The following HMCN1 variants were observed in gnomAD, a reference collection of about 807,000 sequenced individuals.
HMCN1 encodes hemicentin 1, also known as hemicentin-1.
A neutral mutation model predicts 625.9 loss-of-function variants in HMCN1; 321 were observed. That is an observed-to-expected ratio of 0.51 (90% CI 0.47 to 0.56). The LOEUF (loss-of-function observed/expected upper bound fraction) is 0.56, where lower values mean the gene tolerates loss of function less well. Ranked by LOEUF, HMCN1 falls within the 20% of genes least tolerant of loss-of-function variation. The pLI is 0.00. For synonymous variants in HMCN1, 2,425 were observed against 2,417.6 expected (o/e 1.00, Z -0.09); for missense variants, 6,588 against 6,887.3 (o/e 0.96, Z 1.54).
At chr1:186,120,333 ATTGT>A (rs1210041228) in intron 80 of HMCN1, among the ~76,000 whole-genome samples, 188 bp downstream of exon 80, 1 of 152,148 alleles carries the variant, frequency 6.6e-6, no homozygotes, top group East Asian at 1.9e-4. Context: ...TTTGTTGGCC[ATTGT>A]TTGTATAAGA....
chr1:186,119,315 A>G lies in HMCN1; in HGVS notation c.11956+17A>G. On this transcript the variant is annotated intron_variant, in intron 78 of 106. Transcript: ENST00000271588. ...ATGTTCATGGTATGGAAGGCTATTT[A>G]CTCATTCAAAGTTCGCTGGGTTTGG... The G allele has an allele frequency of 6.3e-7, 1 of 1,593,792 alleles. No individual in the cohort carries two copies. The highest frequency in any genetic ancestry group is 8.6e-7 in the Non-Finnish European group (1 of 1,161,554).
intron 100 of HMCN1, among the ~76,000 whole-genome samples, chr1:186,169,884 A>G (rs531329134): frequency 6.6e-6 from 1 of 152,300 alleles, no homozygotes; most frequent in South Asian, 2.1e-4. Flanking sequence ...ATCAGAGTGA[A>G]CAGGCAACCT....
intron 71 of HMCN1, among the ~76,000 whole-genome samples, chr1:186,111,150 T>C (rs1013615549): frequency 6.6e-6 from 1 of 150,522 alleles, no homozygotes; most frequent in African/African-American, 2.5e-5. Flanking sequence ...CCGGCTACTT[T>C]TTTGTATTTT....
chr1:185,995,087 G>A lies in HMCN1; in HGVS notation c.3778G>A (p.Glu1260Lys), dbSNP rs1173660244. Residue 1260 changes from glutamate (E) to lysine (K), a missense_variant and splice_region_variant, in exon 24 of 107, where the codon GAA becomes AAA. Glu to Lys is a moderately conservative substitution (Grantham distance 56). Around this residue, in one of 3 missense-constraint regions of HMCN1, gnomAD observed 4,628 missense variants for 4,853.1 expected, o/e 0.95. Coordinates refer to ENST00000271588, the MANE Select transcript of HMCN1 (RefSeq NM_031935.3). ...DETEITLHVQ[E>K]PPTVEDLEPP... ...AACAGAGATAACGCTACATGTCCAAGGTGATTCTTGACACAGGAAAATATA... is the reference window on the plus strand; with the variant it reads ...AACAGAGATAACGCTACATGTCCAAAGTGATTCTTGACACAGGAAAATATA... 1 of 1,613,290 alleles carries A rather than the reference G, an allele frequency of 6.2e-7. No homozygotes were observed. Among genetic ancestry groups the A allele is most frequent in the African/African-American group, 1.3e-5 (1 of 74,878 alleles).
At chr1:186,029,429 G>A (rs1207099645) in intron 36 of HMCN1, among the ~76,000 whole-genome samples, 1 of 152,080 alleles carries the variant, frequency 6.6e-6, no homozygotes, top group Non-Finnish European at 1.5e-5. Flanking sequence ...CATCCTTTTG[G>A]AGTGTACAAC....
intron 97 of HMCN1, among the ~76,000 whole-genome samples, chr1:186,160,549 T>C (rs1260455566): frequency 1.3e-5 from 2 of 151,954 alleles, no homozygotes; most frequent in Admixed American, 6.6e-5. Context: ...CTTTCTCTTG[T>C]GGGCATTTAG....
At position 185,737,280 on chromosome 1, in the gene HMCN1, G is replaced by A. The variant is rs139324881; in HGVS notation, c.268+2233G>A. On this transcript the variant is annotated intron_variant, in intron 1 of 106. Transcript: ENST00000271588. ...AGCAGTCCTCTCACTTCAGCCTCCCGAGTAGCTGGGACAACAGGCACATGC... is the reference window on the plus strand; with the variant it reads ...AGCAGTCCTCTCACTTCAGCCTCCCAAGTAGCTGGGACAACAGGCACATGC... Among the ~76,000 whole-genome samples the A allele has an allele frequency of 3.0e-3, 448 of 151,852 alleles. 1 individual carries two copies. The highest frequency in any genetic ancestry group is 4.3e-3 in the Non-Finnish European group (294 of 67,940).
At chr1:185,933,516 G>C in intron 10 of HMCN1, 33 bp from the exon 11 acceptor site, 2 of 1,613,008 alleles carry the variant, frequency 1.2e-6, no homozygotes, top group Non-Finnish European at 1.7e-6. Flanking sequence ...TGGCTTTTAG[G>C]TCTCTTGATT....
intron 2 of HMCN1, among the ~76,000 whole-genome samples, 164 bp downstream of exon 2, chr1:185,846,260 C>A (rs1312686220): frequency 2.6e-5 from 4 of 152,148 alleles, no homozygotes; most frequent in Non-Finnish European, 5.9e-5. Context: ...ATGAATTGAA[C>A]AATACATACA....
At chr1:185,848,771 C>T (rs1415457697) in intron 2 of HMCN1, among the ~76,000 whole-genome samples, 2 of 152,050 alleles carry the variant, frequency 1.3e-5, no homozygotes, top group African/African-American at 4.8e-5. Flanking sequence ...CTTAATACAC[C>T]CTGCACTTTT....
At chr1:185,849,966 C>T (rs901698949) in intron 2 of HMCN1, among the ~76,000 whole-genome samples, 2 of 150,248 alleles carry the variant, frequency 1.3e-5, no homozygotes, top group Admixed American at 1.3e-4. Context: ...TCCAAATTCT[C>T]TGAAAAAAAA....
chr1:186,068,065 A>G (rs1658242099), intron 50 of HMCN1, 58 bp downstream of exon 50: 2 of 1,427,776 alleles, frequency 1.4e-6, no homozygotes, highest in Non-Finnish European at 2.0e-6. Flanking sequence ...ATTCTAGAAA[A>G]GCAGAATCAT....
In HMCN1 at chr1:186,015,360, C is replaced by G. The variant is rs1178584330; in HGVS notation, c.4832C>G (p.Ser1611Cys). The part of the protein sequence containing the change: ...QYLHIPRAQV[S>C]DSATYTCHVA... ...CTTCATATTCCTCGAGCACAGGTCT[C>G]TGATTCAGCAACATATACGTGTCAT... Residue 1611 changes from serine (S) to cysteine (C), a missense_variant, in exon 31 of 107, where the codon TCT becomes TGT. By Grantham distance (112) the Ser-to-Cys change is moderately radical. This residue lies in a region of HMCN1 where 4,628 missense variants were observed against 4,853.1 expected (regional missense o/e 0.95). Coordinates refer to ENST00000271588, the MANE Select transcript of HMCN1 (RefSeq NM_031935.3). 1.2e-6 allele frequency: 2 copies of G among 1,613,756 alleles called. No homozygotes were observed. The highest frequency in any genetic ancestry group is 3.3e-5 in the Admixed American group (2 of 59,964).
chr1:186,043,923 A>G (rs1481263074), intron 40 of HMCN1, among the ~76,000 whole-genome samples: 1 of 152,080 alleles, frequency 6.6e-6, no homozygotes, highest in Non-Finnish European at 1.5e-5. Flanking sequence ...TACAACAGCA[A>G]CAAAAAAATT....
In HMCN1 at chr1:185,925,061, A is replaced by G; in HGVS notation, c.1300A>G (p.Thr434Ala). The change falls in exon 9 of 107, where the codon ACG (threonine) becomes GCG (alanine). Residue 434 changes from threonine (T) to alanine (A), a missense_variant. This residue lies in a region of HMCN1 where 4,628 missense variants were observed against 4,853.1 expected (regional missense o/e 0.95). Coordinates refer to ENST00000271588, the MANE Select transcript of HMCN1 (RefSeq NM_031935.3). ...SSIVPDAPKV[T>A]MPEKTPGYYL... The stretch of plus-strand genomic sequence containing the variant: ...TTTTTTCCTAGATGCTCCCAAAGTT[A>G]CGATGCCTGAGAAAACCCCAGGATA... The G allele has an allele frequency of 6.2e-7, 1 of 1,612,728 alleles. No homozygotes were observed. The highest frequency in any genetic ancestry group is 8.5e-7 in the Non-Finnish European group (1 of 1,179,178).
intron 15 of HMCN1, among the ~76,000 whole-genome samples, chr1:185,975,455 A>T (rs1456765403): frequency 6.6e-6 from 1 of 152,016 alleles, no homozygotes; most frequent in Non-Finnish European, 1.5e-5. Flanking sequence ...AAATCACCAG[A>T]TCTCATGAGA....
chr1:186,179,915 A>G (rs888643486), intron 104 of HMCN1, among the ~76,000 whole-genome samples: 6 of 151,630 alleles, frequency 4.0e-5, no homozygotes, highest in African/African-American at 1.5e-4. Flanking sequence ...CTCAAACTTT[A>G]CCCTTTGCTT....
chr1:186,061,857 G>A lies in HMCN1; in HGVS notation c.7319G>A (p.Arg2440Lys), dbSNP rs1444985431. ...SNSVRILSGG[R>K]MLRLMQTTME... ...AGATGGTTTGCTTCTGCAGGAGGCA[G>A]GATGCTACGGCTGATGCAGACCACA... Residue 2440 changes from arginine (R) to lysine (K), a missense_variant, in exon 47 of 107, where the codon AGG (arginine) becomes AAG (lysine). Around this residue, in one of 3 missense-constraint regions of HMCN1, gnomAD observed 4,628 missense variants for 4,853.1 expected, o/e 0.95. Coordinates refer to ENST00000271588, the MANE Select transcript of HMCN1 (RefSeq NM_031935.3). 2.5e-6 allele frequency: 4 copies of A among 1,608,340 alleles called. No individual in the cohort carries two copies.
intron 4 of HMCN1, among the ~76,000 whole-genome samples, chr1:185,872,178 T>C (rs1019160974): frequency 5.3e-5 from 8 of 152,168 alleles, no homozygotes; most frequent in Admixed American, 2.6e-4. Flanking sequence ...TTAAAATAAA[T>C]GTAGGTCTCC....
Sources: gnomAD v4.1 joint callset for allele counts (sites outside exome capture counted in the v4.1 genomes callset) on GRCh38, gnomAD v4.1.1 for gene constraint, gnomAD v4.1.1 regional missense constraint, MANE v1.5 for transcripts, NCBI Gene and HGNC (gene_info 2026-07-23, HGNC 2026-07-21) for gene names.